LONP2: variants seen among roughly 807,000 people sequenced by gnomAD.
LONP2 encodes the protein lon peptidase 2, peroxisomal, also known as lon protease homolog 2, peroxisomal.
LONP2 carries 60 observed loss-of-function variants against 85.6 expected under a neutral mutation model. The ratio of observed to expected loss-of-function variants is 0.70; its 90% CI spans 0.57 to 0.87. LONP2 has a LOEUF of 0.87. Ranked by LOEUF, LONP2 falls within the 40% of genes least tolerant of loss-of-function variation. LONP2 has a pLI of 0.00. For synonymous variants in LONP2, 395 were observed against 389.7 expected (o/e 1.01, Z -0.16); for missense variants, 860 against 1,063.5 (o/e 0.81, Z 2.66).
At chr16:48,269,702 A>T (rs1358600625) in intron 6 of LONP2, among the ~76,000 whole-genome samples, 2 of 151,980 alleles carry the variant, frequency 1.3e-5, no homozygotes, top group Admixed American at 1.3e-4. Flanking sequence ...CTTTTTTTTA[A>T]AAAACAAATG....
intron 1 of LONP2, among the ~76,000 whole-genome samples, chr16:48,245,496 T>C (rs1383340075): frequency 6.6e-6 from 1 of 152,244 alleles, no homozygotes; most frequent in African/African-American, 2.4e-5. Context: ...TGCTGTCCAG[T>C]ACTGTGTAGT....
chr16:48,269,799 T>C (rs61173366), intron 6 of LONP2, among the ~76,000 whole-genome samples: 2,085 of 152,278 alleles, frequency 0.014, 47 homozygotes, highest in African/African-American at 0.047. Context: ...ATTGAGTTTT[T>C]AATTGTGTAG....
At position 48,356,935 on chromosome 16, in the gene LONP2, T is replaced by A. The variant is rs1567361363; in HGVS notation, c.*5133T>A. 1 of 155,108 alleles carries A rather than the reference T, an allele frequency of 6.4e-6. No homozygotes were observed. The highest frequency in any genetic ancestry group is 1.4e-5 in the Non-Finnish European group (1 of 69,722). 9.6% of individuals were successfully genotyped at this position (155,108 alleles called of 1,614,324 possible). Reference sequence around the variant, plus strand: ...GTGACCCCAAAACCAGGTGTCCTTTTGCTCCATTATTTATATCTGTAAACC... The same window carrying A: ...GTGACCCCAAAACCAGGTGTCCTTTAGCTCCATTATTTATATCTGTAAACC... On this transcript the variant is annotated 3_prime_UTR_variant, in exon 15 of 15. Transcript: ENST00000285737.
In LONP2 at chr16:48,299,757, C is replaced by T. The variant is rs148556888; in HGVS notation, c.1630C>T (p.Pro544Ser). 200 of 1,613,622 alleles carry T rather than the reference C, an allele frequency of 1.2e-4. No individual in the cohort carries two copies. In the African/African-American group the frequency reaches 2.6e-3, roughly 21 times the overall value. Reference protein sequence around the residue: ...HGLTPQQIQIPQVTTLDIITR... With the variant: ...HGLTPQQIQISQVTTLDIITR... ...GCTGACTCCACAGCAGATTCAGATA[C>T]CCCAGGTCACCACTCTTGACATCAT... The change falls in exon 10 of 15, where the codon CCC becomes TCC. Residue 544 changes from proline (P) to serine (S), a missense_variant. Transcript: ENST00000285737.
intron 11 of LONP2, among the ~76,000 whole-genome samples, chr16:48,333,680 GAA>G (rs1424812166): frequency 3.3e-5 from 5 of 149,538 alleles, no homozygotes; most frequent in African/African-American, 7.4e-5. Flanking sequence ...GGGAGAGAGA[GAA>G]AGAGAGAGAG....
intron 9 of LONP2, among the ~76,000 whole-genome samples, chr16:48,299,057 A>AT (rs1890100451): frequency 6.6e-6 from 1 of 151,482 alleles, no homozygotes; most frequent in African/African-American, 2.4e-5. Context: ...TGCTCAGCTA[A>AT]TTTTTTGTGT....
In LONP2 at chr16:48,282,419, A is replaced by G. The variant is rs1972350220; in HGVS notation, c.1383+4940A>G. 2.0e-5 allele frequency among the ~76,000 whole-genome samples: 3 copies of G among 151,838 alleles called. No homozygotes were observed. The South Asian group carries it at 6.2e-4, about 31-fold the overall frequency. ...GAGCAAGACTCTGTCTCAAAAAAAA[A>G]AAAAAAAAAAGAAAGAAAGTGTTTA... is the stretch of plus-strand genomic sequence containing the variant. On this transcript the variant is annotated intron_variant, in intron 8 of 14. Coordinates refer to ENST00000285737, the MANE Select transcript of LONP2 (RefSeq NM_031490.5).
chr16:48,348,637 A>C (rs538513670), intron 14 of LONP2, among the ~76,000 whole-genome samples: 2 of 151,820 alleles, frequency 1.3e-5, no homozygotes, highest in South Asian at 4.2e-4. Context: ...GGACTATAGG[A>C]GCACGCCACC....
rs947707353 is a variant in LONP2 at position 48,350,682 on chromosome 16, C to T, written c.2338-899C>T. ...AAGAATACTCCATACTCTTCAAGTT[C>T]CTGTGGGCCAGGAATTCAGGAGAGG... On this transcript the variant is annotated intron_variant, in intron 14 of 14. Transcript: ENST00000285737. Among the ~76,000 whole-genome samples, 3 of 152,210 alleles carry T rather than the reference C, an allele frequency of 2.0e-5. No individual in the cohort carries two copies. In the South Asian group the frequency reaches 6.2e-4, roughly 31 times the overall value.
chr16:48,317,317 A>G (rs1230214494), intron 11 of LONP2, among the ~76,000 whole-genome samples: 2 of 152,190 alleles, frequency 1.3e-5, no homozygotes, highest in Admixed American at 6.5e-5. Flanking sequence ...GATTTTGCCA[A>G]TGAAGTCCCA....
At chr16:48,322,977 TC>T (rs1402342840) in intron 11 of LONP2, among the ~76,000 whole-genome samples, 5 of 152,174 alleles carry the variant, frequency 3.3e-5, no homozygotes, top group African/African-American at 1.2e-4. Context: ...TTCTGGGACT[TC>T]TGTCATATAT....
rs758711151 is a variant in LONP2 at position 48,362,655 on chromosome 16, C to T, written c.*792C>T. 1.0e-5 allele frequency: 5 copies of T among 493,308 alleles called. No homozygotes were observed. The highest frequency in any genetic ancestry group is 1.9e-5 in the Non-Finnish European group (5 of 269,788). The allele number at this position is 493,308 out of a possible 1,614,324, so 30.6% of individuals were successfully genotyped here. A position where few individuals can be genotyped will look rare whatever the true frequency, so the allele number is the denominator to read the frequency against. On this transcript the variant is annotated 3_prime_UTR_variant, in exon 5 of 5. Transcript: ENST00000565867. This position sits in a 1 kb window ranked among gnomAD's most constrained non-coding sequence, Gnocchi z 4.2. ...GATAAGCTCTCTTTTCAAAATGTTC[C>T]GGAAAACATGTGGAACTCCCTTAAT... is the stretch of plus-strand genomic sequence containing the variant.
rs530065479 is a variant in LONP2 at position 48,316,109 on chromosome 16, G to A, written c.1795+12804G>A. Reference sequence around the variant, plus strand: ...TGCAACCTTTGCCTCCTGGATTCAAGCGATTCTGATGTCTCAGCCTCCTGA... The same window carrying A: ...TGCAACCTTTGCCTCCTGGATTCAAACGATTCTGATGTCTCAGCCTCCTGA... On this transcript the variant is annotated intron_variant, in intron 11 of 14. Coordinates refer to ENST00000285737, the MANE Select transcript of LONP2 (RefSeq NM_031490.5). Among the ~76,000 whole-genome samples the A allele has an allele frequency of 1.5e-3, 221 of 151,638 alleles. 2 individuals carry two copies. Among genetic ancestry groups the A allele is most frequent in the African/African-American group, 5.1e-3 (212 of 41,390 alleles).
chr16:48,343,368 C>G (rs941946165), intron 12 of LONP2, among the ~76,000 whole-genome samples: 1 of 152,060 alleles, frequency 6.6e-6, no homozygotes, highest in African/African-American at 2.4e-5. Context: ...ATTAGATACT[C>G]CAAATGTTCT....
At position 48,244,375 on chromosome 16, in the gene LONP2, GA is replaced by G; in HGVS notation, c.-11del. 6.6e-7 allele frequency: 1 copy of G among 1,524,436 alleles called. No individual in the cohort carries two copies. The allele number at this position is 1,524,436 out of a possible 1,614,324, so 94.4% of individuals were successfully genotyped here. A position where few individuals can be genotyped will look rare whatever the true frequency, so the allele number is the denominator to read the frequency against. The stretch of plus-strand genomic sequence containing the variant: ...GGCTCTTTTTGACAGCCCCCAGTGC[GA>G]AAGGCTGCCAGCATGTCATCAGTGA... On this transcript the variant is annotated 5_prime_UTR_variant, in exon 1 of 15. Coordinates refer to ENST00000285737, the MANE Select transcript of LONP2 (RefSeq NM_031490.5).
At chr16:48,275,086 G>A (rs551839051) in intron 7 of LONP2, among the ~76,000 whole-genome samples, 2 of 152,206 alleles carry the variant, frequency 1.3e-5, no homozygotes, top group South Asian at 4.1e-4. Context: ...GCTTTTTCCA[G>A]GAAACCAGAA....
downstream of LONP2, chr16:48,361,318 G>C (rs1042711607): frequency 2.4e-5 from 9 of 370,196 alleles, no homozygotes; most frequent in African/African-American, 1.7e-4. Flanking sequence ...ATTTTACAAT[G>C]CTTCCTTTCT....
chr16:48,264,566 T>C (rs2150971961), intron 6 of LONP2, among the ~76,000 whole-genome samples: 1 of 152,288 alleles, frequency 6.6e-6, no homozygotes, highest in African/African-American at 2.4e-5. Context: ...TGCTGTACAA[T>C]TTGTGCAGTT....
intron 9 of LONP2, among the ~76,000 whole-genome samples, chr16:48,298,554 A>G (rs1028599338): frequency 1.3e-5 from 2 of 149,448 alleles, no homozygotes; most frequent in Non-Finnish European, 3.0e-5. Context: ...GCTACAATTT[A>G]TTTTATAGTC....
Sources: allele counts gnomAD v4.1 joint callset (sites outside exome capture counted in the v4.1 genomes callset), GRCh38; gene constraint gnomAD v4.1.1; non-coding constraint Gnocchi (gnomAD v3.1); transcripts MANE v1.5; gene names NCBI Gene and HGNC (gene_info 2026-07-23, HGNC 2026-07-21).